The following GPSM1 variants were observed in gnomAD, a reference collection of about 807,000 sequenced individuals.
GPSM1 encodes G protein-signaling modulator 1.
A neutral mutation model predicts 70.5 loss-of-function variants in GPSM1; 48 were observed. The ratio of observed to expected loss-of-function variants is 0.68; its 90% CI spans 0.54 to 0.87. GPSM1 has a LOEUF of 0.87. GPSM1 is among the 40% of genes least tolerant of loss of function. GPSM1 has a pLI of 0.00. For missense variants in GPSM1, 981 were observed against 972.6 expected (o/e 1.01, Z -0.11); for synonymous variants, 416 against 430.1 (o/e 0.97, Z 0.41).
Position 136,341,061 on chromosome 9 carries a change from G to T in GPSM1, c.1207+68G>T, listed in dbSNP as rs1554770191. The T allele has an allele frequency of 6.4e-7, 1 of 1,552,582 alleles. No homozygotes were observed. Among genetic ancestry groups the T allele is most frequent in the Non-Finnish European group, 8.7e-7 (1 of 1,148,222 alleles). On this transcript the variant is annotated intron_variant, in intron 9 of 13. Coordinates refer to ENST00000440944, the MANE Select transcript of GPSM1 (RefSeq NM_001145638.3). The surrounding 1 kb of genome is among the most constrained non-coding windows in gnomAD (Gnocchi z 6.7). ...CGGACCGCATCAGGAGCTGCGGAGGGGTGGGATCGAGGCCAGGCCAGCATG... is the reference window on the plus strand; with the variant it reads ...CGGACCGCATCAGGAGCTGCGGAGGTGTGGGATCGAGGCCAGGCCAGCATG...
rs1305209492 is a variant in GPSM1, at chr9:136,349,545, T to C, written c.1279-42T>C. The stretch of plus-strand genomic sequence containing the variant: ...CAGGGTCCTGGGATGGGGACATTGG[T>C]TCACAATTGCCCAGGCCACGCACAG... On this transcript the variant is annotated intron_variant, in intron 10 of 13. Transcript: ENST00000440944. 7 of 1,523,032 alleles carry C rather than the reference T, an allele frequency of 4.6e-6. No homozygotes were observed. The Admixed American group carries it at 1.0e-4, about 22-fold the overall frequency. 94.3% of individuals were successfully genotyped at this position (1,523,032 alleles called of 1,614,324 possible). A position where few individuals can be genotyped will look rare whatever the true frequency, so the allele number is the denominator to read the frequency against.
chr9:136,351,048 A>G (rs894623560), intron 11 of GPSM1, among the ~76,000 whole-genome samples: 8 of 152,198 alleles, frequency 5.3e-5, no homozygotes, highest in Admixed American at 4.6e-4. Context: ...TCCCCCGAGC[A>G]GGACGGCTGG....
At chr9:136,337,211 C>A (rs575736458) in intron 4 of GPSM1, 139 bp downstream of exon 4, 5 of 1,048,966 alleles carry the variant, frequency 4.8e-6, no homozygotes, top group Non-Finnish European at 6.7e-6. Flanking sequence ...CGCCCACCCC[C>A]GCTTTCTCAG....
Position 136,337,038 on chromosome 9 carries a change from C to G in GPSM1, c.544C>G (p.Arg182Gly), listed in dbSNP as rs1352021155. 6.4e-7 allele frequency: 1 copy of G among 1,551,898 alleles called. No individual in the cohort carries two copies. Among genetic ancestry groups the G allele is most frequent in the Non-Finnish European group, 8.7e-7 (1 of 1,147,764 alleles). The change falls in exon 4 of 14, where the codon CGA becomes GGA. Residue 182 changes from arginine (R) to glycine (G), a missense_variant. Coordinates refer to ENST00000440944, the MANE Select transcript of GPSM1 (RefSeq NM_001145638.3). ...QDPGHLPPDVRETLCKASEFY... is the reference protein window; with the variant it reads ...QDPGHLPPDVGETLCKASEFY... Reference sequence around the variant, plus strand: ...CCCCGGGCACCTGCCGCCCGATGTCCGAGAGACCCTGTGCAAGGCCTCCGA... The same window carrying G: ...CCCCGGGCACCTGCCGCCCGATGTCGGAGAGACCCTGTGCAAGGCCTCCGA...
At chr9:136,339,642 G>C (rs1425968307) in intron 7 of GPSM1, 65 bp from the exon 8 acceptor site, 2 of 1,143,168 alleles carry the variant, frequency 1.7e-6, no homozygotes, top group Admixed American at 4.0e-5. Context: ...ACCACCAGGG[G>C]AGGGGCTGGG....
rs1554770579 is a variant in GPSM1 at position 136,342,885 on chromosome 9, G to A, written c.1207+1892G>A. ...GGAGGAGGAAGTCGTCTGGAGGTGG[G>A]GCTTCAGCCCGGCGGGGACGCGGTG... On this transcript the variant is annotated intron_variant, in intron 9 of 13. Coordinates refer to ENST00000440944, the MANE Select transcript of GPSM1 (RefSeq NM_001145638.3). This position sits in a 1 kb window ranked among gnomAD's most constrained non-coding sequence, Gnocchi z 5.5. Among the ~76,000 whole-genome samples the A allele has an allele frequency of 1.4e-5, 2 of 140,234 alleles. No individual in the cohort carries two copies. Among genetic ancestry groups the A allele is most frequent in the African/African-American group, 5.2e-5 (2 of 38,582 alleles). The allele number at this position is 140,234 out of a possible 152,430, so 92.0% of individuals were successfully genotyped here.
At chr9:136,344,180 A>G (rs1832462686) in intron 9 of GPSM1, among the ~76,000 whole-genome samples, 2 of 128,190 alleles carry the variant, frequency 1.6e-5, no homozygotes, top group Non-Finnish European at 3.3e-5. Flanking sequence ...GGAGGCGCGG[A>G]CAGGAGCGGG....
At chr9:136,336,872 G>A (rs782522346) in intron 3 of GPSM1, 49 bp from the exon 4 acceptor site, 10 of 1,521,166 alleles carry the variant, frequency 6.6e-6, no homozygotes, top group East Asian at 2.5e-5. Context: ...TCTGCACATC[G>A]TGTGGGGGGC....
chr9:136,337,038 C>T lies in GPSM1; in HGVS notation c.544C>T (p.Arg182Ter), dbSNP rs1352021155. Residue 182 changes from arginine to a stop codon, truncating the protein, a stop_gained, in exon 4 of 14, where the codon CGA becomes TGA. Coordinates refer to ENST00000440944, the MANE Select transcript of GPSM1 (RefSeq NM_001145638.3). LOFTEE classifies it high-confidence loss of function. ...QDPGHLPPDV[R>*]ETLCKASEFY... ...CCCCGGGCACCTGCCGCCCGATGTC[C>T]GAGAGACCCTGTGCAAGGCCTCCGA... The T allele has an allele frequency of 5.8e-6, 9 of 1,551,898 alleles. No homozygotes were observed. The highest frequency in any genetic ancestry group is 1.4e-5 in the African/African-American group (1 of 73,254).
At chr9:136,347,914 C>T (rs1320119459) in intron 9 of GPSM1, among the ~76,000 whole-genome samples, 1 of 152,134 alleles carries the variant, frequency 6.6e-6, no homozygotes, top group Non-Finnish European at 1.5e-5. Context: ...TGGGACAGGG[C>T]TGAGTGACAC....
intron 9 of GPSM1, among the ~76,000 whole-genome samples, chr9:136,346,964 C>T (rs536188520): frequency 1.2e-4 from 19 of 152,310 alleles, no homozygotes; most frequent in African/African-American, 4.6e-4. Flanking sequence ...CCTGAGGCCC[C>T]GGCACCCTGC....
At chr9:136,348,852 C>T in intron 10 of GPSM1, 85 bp downstream of exon 10, 1 of 980,824 alleles carries the variant, frequency 1.0e-6, no homozygotes, top group South Asian at 1.4e-5. Flanking sequence ...CCACCGCCAC[C>T]CACCTCAGCC....
At position 136,352,255 on chromosome 9, in the gene GPSM1, G is replaced by A. The variant is rs60729846; in HGVS notation, c.1455+2492G>A. 1.1e-4 allele frequency among the ~76,000 whole-genome samples: 2 copies of A among 17,770 alleles called. 1 individual carries two copies. The highest frequency in any genetic ancestry group is 4.7e-4 in the African/African-American group (2 of 4,266). 11.7% of individuals were successfully genotyped at this position (17,770 alleles called of 152,430 possible). A position where few individuals can be genotyped will look rare whatever the true frequency, so the allele number is the denominator to read the frequency against. Reference sequence around the variant, plus strand: ...CTGCGCCGTTGCTGTTGGTGACACCGATGCTGCGCCGTTGCTGTTGGTGAC... The same window carrying A: ...CTGCGCCGTTGCTGTTGGTGACACCAATGCTGCGCCGTTGCTGTTGGTGAC... On this transcript the variant is annotated intron_variant, in intron 11 of 13. Transcript: ENST00000440944.
At chr9:136,332,922 T>C (rs1176956121) in intron 1 of GPSM1, among the ~76,000 whole-genome samples, 1 of 150,128 alleles carries the variant, frequency 6.7e-6, no homozygotes, top group Admixed American at 6.6e-5. Context: ...GGTAGGAGGA[T>C]GGCTTGATCC....
In GPSM1 at chr9:136,327,740, G is replaced by A. The variant is rs1554768058; in HGVS notation, c.45G>A (p.Pro15=). The A allele has an allele frequency of 4.2e-6, 5 of 1,192,964 alleles. No homozygotes were observed. The highest frequency in any genetic ancestry group is 5.2e-6 in the Non-Finnish European group (5 of 963,320). 73.9% of individuals were successfully genotyped at this position (1,192,964 alleles called of 1,614,324 possible). A position where few individuals can be genotyped will look rare whatever the true frequency, so the allele number is the denominator to read the frequency against. ...APPAADELPG[P]AARRLYSRME... ...CCGCGGCCGACGAGCTCCCGGGCCCGGCCGCCAGGCGCCTCTACTCCAGGT... is the reference window on the plus strand; with the variant it reads ...CCGCGGCCGACGAGCTCCCGGGCCCAGCCGCCAGGCGCCTCTACTCCAGGT... Residue 15 remains proline (P), a synonymous_variant, in exon 1 of 14, where the codon CCG becomes CCA. Coordinates refer to ENST00000440944, the MANE Select transcript of GPSM1 (RefSeq NM_001145638.3).
At position 136,342,184 on chromosome 9, in the gene GPSM1, G is replaced by T. The variant is rs528691278; in HGVS notation, c.1207+1191G>T. On this transcript the variant is annotated intron_variant, in intron 9 of 13. Transcript: ENST00000440944. This position sits in a 1 kb window ranked among gnomAD's most constrained non-coding sequence, Gnocchi z 5.5. ...CCAGGCCTATTTCTACCCATGGCCG[G>T]GGTTTCCTAAGGGTGGGGAGCTCTG... is the stretch of plus-strand genomic sequence containing the variant. Among the ~76,000 whole-genome samples the T allele has an allele frequency of 6.6e-5, 10 of 152,230 alleles. 1 individual carries two copies. The highest frequency in any genetic ancestry group is 2.4e-4 in the African/African-American group (10 of 41,534).
chr9:136,328,304 A>G (rs1554768171), intron 1 of GPSM1, among the ~76,000 whole-genome samples: 1 of 152,132 alleles, frequency 6.6e-6, no homozygotes, highest in Non-Finnish European at 1.5e-5. Flanking sequence ...TTTGGGGATG[A>G]CAGGGTGGCC....
chr9:136,357,942 C>G, intron 13 of GPSM1, 72 bp from the exon 14 acceptor site: 1 of 1,237,086 alleles, frequency 8.1e-7, no homozygotes, highest in Non-Finnish European at 1.2e-6. Flanking sequence ...CCTCTGGAAC[C>G]ACCGCTGCTG....
At chr9:136,329,027 C>T (rs1227792635) in intron 1 of GPSM1, among the ~76,000 whole-genome samples, 7 of 152,156 alleles carry the variant, frequency 4.6e-5, no homozygotes, top group African/African-American at 1.7e-4. Flanking sequence ...GACGGGTGTC[C>T]AAGACCTTAG....
Sources: gnomAD v4.1 joint callset for allele counts (sites outside exome capture counted in the v4.1 genomes callset) on GRCh38, gnomAD v4.1.1 for gene constraint, Gnocchi (gnomAD v3.1) non-coding constraint, MANE v1.5 for transcripts, NCBI Gene and HGNC (gene_info 2026-07-23, HGNC 2026-07-21) for gene names.